Variants in VSTM2L observed in about 807,000 individuals in gnomAD.
VSTM2L encodes the protein V-set and transmembrane domain-containing protein 2-like protein.
Under a neutral mutation model 19.9 loss-of-function variants are expected in VSTM2L, and 9 were observed. The ratio of observed to expected loss-of-function variants is 0.45; its 90% CI spans 0.27 to 0.79. The LOEUF is 0.79. Among genes scored for constraint, VSTM2L ranks in the 30% least tolerant of loss-of-function variants. The probability of loss-of-function intolerance (pLI) is 0.15; values close to 1 mark genes in which losing one functional copy is unlikely to be tolerated. For missense variants in VSTM2L, 286 were observed against 295.5 expected (o/e 0.97, Z 0.24); for synonymous variants, 127 against 133.8 (o/e 0.95, Z 0.35).
At position 37,929,127 on chromosome 20, in the gene VSTM2L, C is replaced by A. The variant is rs117740149; in HGVS notation, c.122-2508C>A. 2.0e-5 allele frequency among the ~76,000 whole-genome samples: 3 copies of A among 152,200 alleles called. No individual in the cohort carries two copies. In the East Asian group the frequency reaches 5.8e-4, roughly 30 times the overall value. The stretch of plus-strand genomic sequence containing the variant: ...AATGAGGTGGTCAGGGCAGGCCTCC[C>A]TAAGGAAGCGGACTTTGAGCAGGGT... On this transcript the variant is annotated intron_variant, in intron 1 of 3. Transcript: ENST00000373461.
At position 37,945,106 on chromosome 20, in the gene VSTM2L, G is replaced by A. The variant is rs1298059742; in HGVS notation, c.*853G>A. The A allele has an allele frequency of 2.0e-6, 2 of 985,636 alleles. No homozygotes were observed. Among genetic ancestry groups the A allele is most frequent in the African/African-American group, 3.5e-5 (2 of 57,190 alleles). The allele number at this position is 985,636 out of a possible 1,614,324, so 61.1% of individuals were successfully genotyped here. A position where few individuals can be genotyped will look rare whatever the true frequency, so the allele number is the denominator to read the frequency against. ...GGGCCTGGGGCTGTTGGGAGCCAAG[G>A]GCCCCCTGGTACTCAGTTCCCTCAC... On this transcript the variant is annotated 3_prime_UTR_variant, in exon 4 of 4. Coordinates refer to ENST00000373461, the MANE Select transcript of VSTM2L (RefSeq NM_080607.3).
intron 1 of VSTM2L, among the ~76,000 whole-genome samples, chr20:37,931,040 A>G (rs2072905975): frequency 6.6e-6 from 1 of 152,120 alleles, no homozygotes; most frequent in African/African-American, 2.4e-5. Context: ...GGCATTCCAG[A>G]AGGAGAACAG....
intron 3 of VSTM2L, among the ~76,000 whole-genome samples, chr20:37,934,760 A>G (rs773857464): frequency 1.3e-5 from 2 of 152,122 alleles, no homozygotes; most frequent in Non-Finnish European, 2.9e-5. Flanking sequence ...AGGTGGCATC[A>G]TGGAGGCAGA....
chr20:37,918,398 C>G (rs1310448960), intron 1 of VSTM2L, among the ~76,000 whole-genome samples: 1 of 152,192 alleles, frequency 6.6e-6, no homozygotes, highest in Non-Finnish European at 1.5e-5. Context: ...ACTTTAACAC[C>G]TAACCTTCGC....
rs1034215549 is a variant in VSTM2L at position 37,903,365 on chromosome 20, C to T, written c.15C>T (p.Leu5=). The T allele has an allele frequency of 1.5e-5, 22 of 1,471,580 alleles. No individual in the cohort carries two copies. Among genetic ancestry groups the T allele is most frequent in the African/African-American group, 2.9e-5 (2 of 67,984 alleles). 91.2% of individuals were successfully genotyped at this position (1,471,580 alleles called of 1,614,324 possible). The change falls in exon 1 of 4, where the codon CTC becomes CTT. Residue 5 remains leucine, a synonymous_variant. Coordinates refer to ENST00000373461, the MANE Select transcript of VSTM2L (RefSeq NM_080607.3). MGAP[L]AVALGALHYL... ...GAGAGCGCACGATGGGGGCCCCGCT[C>T]GCCGTAGCGCTGGGCGCCCTCCACT...
intron 1 of VSTM2L, among the ~76,000 whole-genome samples, chr20:37,910,512 G>T (rs1052546253): frequency 2.0e-5 from 3 of 152,214 alleles, no homozygotes; most frequent in African/African-American, 7.2e-5. Context: ...CATGTGCCAG[G>T]CTCTTTTAGC....
At chr20:37,926,123 G>A (rs1187546940) in intron 1 of VSTM2L, among the ~76,000 whole-genome samples, 2 of 152,084 alleles carry the variant, frequency 1.3e-5, no homozygotes, top group African/African-American at 4.8e-5. Flanking sequence ...GTGCAGTGGC[G>A]CAATCTCAGC....
chr20:37,907,937 G>A (rs541316208), intron 1 of VSTM2L, among the ~76,000 whole-genome samples: 2 of 152,292 alleles, frequency 1.3e-5, no homozygotes, highest in South Asian at 4.2e-4. Context: ...CCATCAATAA[G>A]CTGGCTAGTT....
intron 1 of VSTM2L, among the ~76,000 whole-genome samples, chr20:37,930,531 C>T (rs925854648): frequency 6.6e-6 from 1 of 152,202 alleles, no homozygotes; most frequent in African/African-American, 2.4e-5. Context: ...GCGATAATCT[C>T]TCCTGAGAAG....
At position 37,933,548 on chromosome 20, in the gene VSTM2L, T is replaced by C. The variant is rs752197768; in HGVS notation, c.301T>C (p.Ser101Pro). 5.5e-6 allele frequency: 8 copies of C among 1,467,822 alleles called. No homozygotes were observed. Among genetic ancestry groups the C allele is most frequent in the South Asian group, 1.1e-5 (1 of 89,272 alleles). 90.9% of individuals were successfully genotyped at this position (1,467,822 alleles called of 1,614,324 possible). A position where few individuals can be genotyped will look rare whatever the true frequency, so the allele number is the denominator to read the frequency against. Residue 101 changes from serine (S) to proline (P), a missense_variant, in exon 3 of 4, where the codon TCT becomes CCT. By Grantham distance (74) the Ser-to-Pro change is moderately conservative (BLOSUM62 -1). Transcript: ENST00000373461. ...QAWASNQLKA[S>P]QQEDAGKEAT... ...TCCCCGATCCCAACAGCTAAAAGCA[T>C]CTCAGCAGGAAGACGCAGGGAAGGA...
chr20:37,920,588 G>A (rs547084127), intron 1 of VSTM2L, among the ~76,000 whole-genome samples: 1 of 152,374 alleles, frequency 6.6e-6, no homozygotes, highest in African/African-American at 2.4e-5. Flanking sequence ...AGGTGGGCCA[G>A]GCTGGCCTTG....
Position 37,944,432 on chromosome 20 carries a change from C to A in VSTM2L, c.*179C>A. 8.5e-7 allele frequency: 1 copy of A among 1,178,764 alleles called. No homozygotes were observed. The highest frequency in any genetic ancestry group is 1.1e-6 in the Non-Finnish European group (1 of 909,472). 73.0% of individuals were successfully genotyped at this position (1,178,764 alleles called of 1,614,324 possible). On this transcript the variant is annotated 3_prime_UTR_variant, in exon 4 of 4. Transcript: ENST00000373461. ...GCTCAGCATGTAAGCCCCACCCACCCCTGCCCTTTCAGACCCCTGCGGTGA... is the reference window on the plus strand; with the variant it reads ...GCTCAGCATGTAAGCCCCACCCACCACTGCCCTTTCAGACCCCTGCGGTGA...
chr20:37,904,268 G>A (rs901533608), intron 1 of VSTM2L, among the ~76,000 whole-genome samples: 9 of 152,312 alleles, frequency 5.9e-5, no homozygotes, highest in African/African-American at 2.2e-4. Flanking sequence ...TGGAATGCCG[G>A]GTGCTTTTGT....
intron 1 of VSTM2L, among the ~76,000 whole-genome samples, chr20:37,909,826 G>A (rs2072770014): frequency 6.6e-6 from 1 of 152,220 alleles, no homozygotes; most frequent in Admixed American, 6.5e-5. Context: ...GGTCCAGCTG[G>A]GGAAGAAATC....
intron 1 of VSTM2L, among the ~76,000 whole-genome samples, chr20:37,914,072 AT>A (rs1233562760): frequency 3.9e-5 from 6 of 151,956 alleles, no homozygotes; most frequent in Non-Finnish European, 7.4e-5. Context: ...GCTGGCCGGT[AT>A]CCAGGGAGGG....
chr20:37,931,826 C>G (rs890839451), intron 2 of VSTM2L, 22 bp downstream of exon 2: 1 of 1,606,644 alleles, frequency 6.2e-7, no homozygotes, highest in Non-Finnish European at 8.5e-7. Context: ...GGGGAGATGC[C>G]CAAGCTGGGC....
intron 1 of VSTM2L, among the ~76,000 whole-genome samples, chr20:37,921,279 G>A (rs999773690): frequency 6.6e-6 from 1 of 152,188 alleles, no homozygotes; most frequent in South Asian, 2.1e-4. Flanking sequence ...ACACATGTAA[G>A]TGGCCAGGAG....
intron 3 of VSTM2L, among the ~76,000 whole-genome samples, chr20:37,934,403 C>T (rs943082623): frequency 3.9e-5 from 6 of 152,104 alleles, no homozygotes; most frequent in African/African-American, 1.4e-4. Flanking sequence ...AAGGTTTGTG[C>T]ATGGGGCGTG....
intron 1 of VSTM2L, among the ~76,000 whole-genome samples, chr20:37,922,796 C>T (rs2122956990): frequency 6.6e-6 from 1 of 152,242 alleles, no homozygotes; most frequent in South Asian, 2.1e-4. Flanking sequence ...TGGATGAGCC[C>T]CTGTGGCTTG....
Sources: allele counts gnomAD v4.1 joint callset (sites outside exome capture counted in the v4.1 genomes callset), GRCh38; gene constraint gnomAD v4.1.1; transcripts MANE v1.5; gene names NCBI Gene and HGNC (gene_info 2026-07-23, HGNC 2026-07-21).